Variants in CMC2 observed in about 807,000 individuals in gnomAD.
The protein encoded by CMC2 is C-X9-C motif containing 2.
Under a neutral mutation model 7.5 loss-of-function variants are expected in CMC2, and 5 were observed. The observed-to-expected ratio is 0.66, with a 90% CI of 0.35 to 1.40. The LOEUF (loss-of-function observed/expected upper bound fraction) is 1.40, where lower values mean the gene tolerates loss of function less well. Ranked by LOEUF, CMC2 falls within the 40% of genes most tolerant of loss-of-function variation. CMC2 has a pLI of 0.04. For synonymous variants in CMC2, 37 were observed against 31.4 expected, an observed-to-expected ratio of 1.18 and a Z score of -0.60; for missense variants, 115 against 92.3, an observed-to-expected ratio of 1.25 and a Z score of -1.01.
At position 80,968,511 on chromosome 16, in the gene CMC2, C is replaced by T. The variant is rs1911705582; in HGVS notation, c.*7582G>A. On this transcript the variant is annotated 3_prime_UTR_variant, in exon 4 of 4. Transcript: ENST00000219400. Reference sequence around the variant, plus strand: ...CTTATAACTCCTCTCTTTGCCATGCCCTCCCCAACTCCCATCCTCCCCCCA... The same window carrying T: ...CTTATAACTCCTCTCTTTGCCATGCTCTCCCCAACTCCCATCCTCCCCCCA... The T allele has an allele frequency of 6.6e-6, 1 of 152,072 alleles. No individual in the cohort carries two copies. Among genetic ancestry groups the T allele is most frequent in the Non-Finnish European group, 1.5e-5 (1 of 68,036 alleles). 9.4% of individuals were successfully genotyped at this position (152,072 alleles called of 1,614,324 possible). A position where few individuals can be genotyped will look rare whatever the true frequency, so the allele number is the denominator to read the frequency against.
Position 80,975,524 on chromosome 16 carries a change from G to C in CMC2, c.*569C>G, listed in dbSNP as rs753945336. On this transcript the variant is annotated 3_prime_UTR_variant, in exon 4 of 4. Coordinates refer to ENST00000219400, the MANE Select transcript of CMC2 (RefSeq NM_020188.5). ...AGCTACTAGAGAGGCTGAGGCTGGA[G>C]AATCACTTGAATCCGGGAGGTGGAG... 2.6e-5 allele frequency: 4 copies of C among 152,244 alleles called. No homozygotes were observed. Among genetic ancestry groups the C allele is most frequent in the South Asian group, 2.1e-4 (1 of 4,824 alleles). The allele number at this position is 152,244 out of a possible 1,614,324, so 9.4% of individuals were successfully genotyped here. A position where few individuals can be genotyped will look rare whatever the true frequency, so the allele number is the denominator to read the frequency against.
intron 2 of CMC2, among the ~76,000 whole-genome samples, chr16:80,987,285 T>C (rs1477352763): frequency 6.6e-6 from 1 of 152,180 alleles, no homozygotes; most frequent in South Asian, 2.1e-4. Context: ...CATTTCAAAA[T>C]GCTAATAAGA....
intron 1 of CMC2, chr16:80,997,644 C>T (rs1279891901): frequency 6.4e-6 from 2 of 313,094 alleles, no homozygotes; most frequent in African/African-American, 2.2e-5. Flanking sequence ...AGAGAACCTA[C>T]AGGTTCAGGA....
chr16:80,994,909 G>T (rs1968283508), intron 2 of CMC2, among the ~76,000 whole-genome samples: 1 of 152,128 alleles, frequency 6.6e-6, no homozygotes, highest in African/African-American at 2.4e-5. Context: ...ACTTTGGGGG[G>T]CCATGGCAGG....
intron 1 of CMC2, among the ~76,000 whole-genome samples, chr16:81,005,321 A>G (rs1451342300): frequency 6.6e-6 from 1 of 152,140 alleles, no homozygotes; most frequent in African/African-American, 2.4e-5. Flanking sequence ...TTGAGGCACG[A>G]GAATCACTAG....
In CMC2 at chr16:80,966,962, A is replaced by C. The variant is rs1213443036; in HGVS notation, c.*9131T>G. 2 of 152,234 alleles carry C rather than the reference A, an allele frequency of 1.3e-5. No individual in the cohort carries two copies. Among genetic ancestry groups the C allele is most frequent in the Non-Finnish European group, 2.9e-5 (2 of 68,036 alleles). 9.4% of individuals were successfully genotyped at this position (152,234 alleles called of 1,614,324 possible). A position where few individuals can be genotyped will look rare whatever the true frequency, so the allele number is the denominator to read the frequency against. On this transcript the variant is annotated 3_prime_UTR_variant, in exon 4 of 4. Transcript: ENST00000219400. ...TTATTTTAATTACATCCAACAATGT[A>C]CCTATCAAGTGATCTACAGAAAAAG...
At chr16:80,996,542 C>G (rs1038013957) in intron 2 of CMC2, among the ~76,000 whole-genome samples, 1 of 152,184 alleles carries the variant, frequency 6.6e-6, no homozygotes, top group East Asian at 1.9e-4. Flanking sequence ...GTAAAAATAT[C>G]TGACTTCACA....
chr16:80,999,912 C>T (rs540102966), intron 1 of CMC2, among the ~76,000 whole-genome samples: 48 of 152,260 alleles, frequency 3.2e-4, no homozygotes, highest in African/African-American at 1.1e-3. Context: ...AGATAGATTA[C>T]AGATTTACAC....
chr16:80,992,698 C>T (rs1398222336), intron 2 of CMC2, among the ~76,000 whole-genome samples: 1 of 120,200 alleles, frequency 8.3e-6, no homozygotes, highest in African/African-American at 3.1e-5. Context: ...GCCTCTTATT[C>T]CCCCTCCTTT....
Position 80,971,564 on chromosome 16 carries a change from T to TTATATATATATATATA in CMC2, c.*4513_*4528dup, listed in dbSNP as rs34839018. 2.5e-5 allele frequency: 3 copies of TTATATATATATATATA among 121,242 alleles called. No homozygotes were observed. The highest frequency in any genetic ancestry group is 7.8e-5 in the African/African-American group (2 of 25,704). The allele number at this position is 121,242 out of a possible 1,614,324, so 7.5% of individuals were successfully genotyped here. On this transcript the variant is annotated 3_prime_UTR_variant, in exon 4 of 4. Transcript: ENST00000219400. ...CTATGGATACTGACATACATACATT[T>TTATATATATATATATA]TATATATATATATATATATATGTAT...
At chr16:81,000,464 C>G (rs973294107) in intron 1 of CMC2, among the ~76,000 whole-genome samples, 3 of 151,926 alleles carry the variant, frequency 2.0e-5, no homozygotes, top group African/African-American at 7.3e-5. Context: ...CCACTGCACT[C>G]CAGCCTAGGT....
chr16:80,978,407 A>G (rs1966867169), intron 3 of CMC2: 1 of 1,258,174 alleles, frequency 7.9e-7, no homozygotes, highest in Non-Finnish European at 1.0e-6. Context: ...AAGGAAGTCC[A>G]GATGGTCCCT....
intron 1 of CMC2, among the ~76,000 whole-genome samples, chr16:81,000,494 T>C (rs1407740131): frequency 6.6e-6 from 1 of 151,984 alleles, no homozygotes; most frequent in Non-Finnish European, 1.5e-5. Flanking sequence ...AGACTCCGTC[T>C]CGAAAAAACA....
chr16:80,985,901 C>CAAAAAAAAA (rs57915291), intron 2 of CMC2, among the ~76,000 whole-genome samples: 2,496 of 104,792 alleles, frequency 0.024, 108 homozygotes, highest in Non-Finnish European at 0.034. Context: ...CATATACCTG[C>CAAAAAAAAA]AAAAAAAAAA....
intron 2 of CMC2, chr16:80,988,439 C>T: frequency 7.7e-6 from 5 of 650,408 alleles, no homozygotes; most frequent in Non-Finnish European, 1.4e-5. Context: ...TCTTTAAAAA[C>T]ATTTGTCAAT....
chr16:80,977,937 T>A (rs1912625883), intron 3 of CMC2, among the ~76,000 whole-genome samples: 1 of 152,094 alleles, frequency 6.6e-6, no homozygotes, highest in South Asian at 2.1e-4. Flanking sequence ...CAGGGCATGG[T>A]GGCATGCACC....
In CMC2 at chr16:80,985,385, T is replaced by C. The variant is rs147754781; in HGVS notation, c.82-3508A>G. 6.6e-3 allele frequency among the ~76,000 whole-genome samples: 1,012 copies of C among 152,362 alleles called. 14 individuals carry two copies. The highest frequency in any genetic ancestry group is 0.023 in the African/African-American group (950 of 41,584). On this transcript the variant is annotated intron_variant, in intron 2 of 3. Coordinates refer to ENST00000219400, the MANE Select transcript of CMC2 (RefSeq NM_020188.5). ...GACATGAGAATTCAGGTATATTTTA[T>C]TAATTCAGACATTTAAAAAATGAAA...
chr16:80,998,245 T>G (rs1379159374), intron 1 of CMC2: 1 of 151,892 alleles, frequency 6.6e-6, no homozygotes, highest in Non-Finnish European at 1.5e-5. Context: ...CTTAACCTAC[T>G]CTAACTCAGA....
intron 3 of CMC2, among the ~76,000 whole-genome samples, chr16:80,978,757 C>G (rs1334701939): frequency 2.0e-5 from 3 of 151,526 alleles, no homozygotes; most frequent in Admixed American, 6.6e-5. Context: ...GGAGTCCCAA[C>G]AAGAAATGGC....
Sources: allele counts gnomAD v4.1 joint callset (sites outside exome capture counted in the v4.1 genomes callset), GRCh38; gene constraint gnomAD v4.1.1; transcripts MANE v1.5; gene names NCBI Gene and HGNC (gene_info 2026-07-23, HGNC 2026-07-21).